The following HIBADH variants were observed in gnomAD, a reference collection of about 807,000 sequenced individuals.
HIBADH encodes the protein 3-hydroxyisobutyrate dehydrogenase.
HIBADH carries 25 observed loss-of-function variants against 36.1 expected under a neutral mutation model. The observed-to-expected ratio is 0.69, with a 90% CI of 0.50 to 0.97. HIBADH has a LOEUF of 0.97. Among genes scored for constraint, HIBADH ranks in the 50% least tolerant of loss-of-function variants. The pLI, the probability that HIBADH is intolerant of heterozygous loss-of-function variation, is 0.00. For missense variants in HIBADH, 421 were observed against 418.0 expected (o/e 1.01, Z -0.06); for synonymous variants, 160 against 149.5 (o/e 1.07, Z -0.51).
chr7:27,611,436 T>G (rs1052204948), intron 4 of HIBADH, among the ~76,000 whole-genome samples: 3 of 152,186 alleles, frequency 2.0e-5, no homozygotes, highest in African/African-American at 7.2e-5. Context: ...GCATTCATTA[T>G]AGACGAGAGC....
chr7:27,632,185 A>G (rs1785758216), intron 3 of HIBADH, 151 bp downstream of exon 3: 1 of 544,012 alleles, frequency 1.8e-6, no homozygotes, highest in Non-Finnish European at 3.1e-6. Flanking sequence ...TAAGCCTTTT[A>G]CAATGAGAAA....
In HIBADH at chr7:27,538,550, G is replaced by T. The variant is rs1477052197; in HGVS notation, c.619-133C>A. On this transcript the variant is annotated intron_variant, in intron 5 of 7. Coordinates refer to ENST00000265395, the MANE Select transcript of HIBADH (RefSeq NM_152740.4). ...TCAACTGTTGATTTTCTCGAGTGCG[G>T]AAGAGAACCTGATGCAGCATGGCTC... 4.2e-6 allele frequency: 3 copies of T among 716,692 alleles called. No homozygotes were observed. In the East Asian group the frequency reaches 8.1e-5, roughly 19 times the overall value. 44.4% of individuals were successfully genotyped at this position (716,692 alleles called of 1,614,324 possible).
At chr7:27,650,289 A>AC (rs1786159280) in intron 1 of HIBADH, among the ~76,000 whole-genome samples, 1 of 151,180 alleles carries the variant, frequency 6.6e-6, no homozygotes, top group South Asian at 2.1e-4. Context: ...CAAAAAAAAA[A>AC]AAACTCAAAA....
chr7:27,621,756 C>A (rs1016190091), intron 4 of HIBADH, among the ~76,000 whole-genome samples: 7 of 152,136 alleles, frequency 4.6e-5, no homozygotes, highest in African/African-American at 1.7e-4. Flanking sequence ...GGCACCACTG[C>A]ATTACAGCCT....
chr7:27,626,915 T>C (rs1785659484), intron 4 of HIBADH, among the ~76,000 whole-genome samples: 1 of 152,322 alleles, frequency 6.6e-6, no homozygotes, highest in Admixed American at 6.5e-5. Flanking sequence ...ATTCCATGTT[T>C]CAAGACTGAT....
chr7:27,609,229 A>G (rs1323516025), intron 4 of HIBADH, among the ~76,000 whole-genome samples: 3 of 152,158 alleles, frequency 2.0e-5, no homozygotes, highest in Non-Finnish European at 2.9e-5. Context: ...TGCCTCAACC[A>G]TGTTATCTTG....
chr7:27,626,199 G>A (rs566413099), intron 4 of HIBADH, among the ~76,000 whole-genome samples: 1 of 150,506 alleles, frequency 6.6e-6, no homozygotes, highest in Admixed American at 6.6e-5. Context: ...GGCAGTGCAT[G>A]CCAGTATCAA....
chr7:27,654,199 A>G (rs1161827378), intron 1 of HIBADH, among the ~76,000 whole-genome samples: 1 of 152,176 alleles, frequency 6.6e-6, no homozygotes, highest in Non-Finnish European at 1.5e-5. Context: ...AACACAAAGA[A>G]AAAAATAATT....
At chr7:27,532,683 T>C (rs1452829392) in intron 6 of HIBADH, among the ~76,000 whole-genome samples, 1 of 152,184 alleles carries the variant, frequency 6.6e-6, no homozygotes, top group African/African-American at 2.4e-5. Context: ...TTACTAAGGA[T>C]TGTAACAGAT....
intron 4 of HIBADH, among the ~76,000 whole-genome samples, chr7:27,590,178 T>A (rs577191634): frequency 6.6e-6 from 1 of 152,294 alleles, no homozygotes; most frequent in East Asian, 1.9e-4. Context: ...TCATTTCATT[T>A]AAGTCTCAAA....
chr7:27,584,291 G>A (rs779940752), intron 4 of HIBADH, among the ~76,000 whole-genome samples: 2 of 151,866 alleles, frequency 1.3e-5, no homozygotes, highest in East Asian at 1.9e-4. Flanking sequence ...ATCATACAAC[G>A]GTCAATTGGA....
At chr7:27,530,684 C>G (rs1052813821) in intron 7 of HIBADH, among the ~76,000 whole-genome samples, 1 of 152,090 alleles carries the variant, frequency 6.6e-6, no homozygotes, top group East Asian at 1.9e-4. Context: ...AGAAGGATGA[C>G]AGTTTGCTTT....
At chr7:27,568,289 T>C (rs1784577845) in intron 4 of HIBADH, among the ~76,000 whole-genome samples, 1 of 152,218 alleles carries the variant, frequency 6.6e-6, no homozygotes, top group Non-Finnish European at 1.5e-5. Context: ...TCTTCATTCC[T>C]GAAGCATATT....
chr7:27,548,196 T>TTAA (rs1554295255), intron 4 of HIBADH, among the ~76,000 whole-genome samples: 5 of 144,214 alleles, frequency 3.5e-5, no homozygotes, highest in Admixed American at 6.9e-5. Context: ...CTCTCTCTCT[T>TTAA]AAAAAAAAAA....
chr7:27,548,723 A>G (rs4719902), intron 4 of HIBADH, among the ~76,000 whole-genome samples: 116,406 of 151,996 alleles, frequency 0.77, 45,143 homozygotes, highest in East Asian at 0.94. Context: ...CACTCAAAAA[A>G]TCCAAAATAT....
intron 4 of HIBADH, among the ~76,000 whole-genome samples, chr7:27,613,370 T>TAGAC (rs1785366763): frequency 1.9e-5 from 1 of 51,736 alleles, no homozygotes; most frequent in Non-Finnish European, 3.2e-5. Flanking sequence ...GAGCCTCGTT[T>TAGAC]AGATAGATAG....
intron 2 of HIBADH, among the ~76,000 whole-genome samples, chr7:27,643,934 T>A (rs550465151): frequency 2.0e-5 from 3 of 152,240 alleles, no homozygotes; most frequent in Non-Finnish European, 4.4e-5. Flanking sequence ...TGTCATTAGC[T>A]TTAGGGTCCA....
chr7:27,598,150 T>G (rs1378701438), intron 4 of HIBADH, among the ~76,000 whole-genome samples: 1 of 152,168 alleles, frequency 6.6e-6, no homozygotes. Flanking sequence ...AATTACAGAC[T>G]GCATAAAAGC....
chr7:27,577,474 C>G (rs1367952188), intron 4 of HIBADH, among the ~76,000 whole-genome samples: 1 of 152,150 alleles, frequency 6.6e-6, no homozygotes, highest in Non-Finnish European at 1.5e-5. Flanking sequence ...AGCATCATTT[C>G]TCTCTTAAAA....
Sources: allele counts gnomAD v4.1 joint callset (sites outside exome capture counted in the v4.1 genomes callset), GRCh38; gene constraint gnomAD v4.1.1; transcripts MANE v1.5; gene names NCBI Gene and HGNC (gene_info 2026-07-23, HGNC 2026-07-21).